The following PCDHA8 variants were observed in gnomAD, a reference collection of about 807,000 sequenced individuals.
PCDHA8 encodes protocadherin alpha-8.
In PCDHA8, 53 loss-of-function variants were observed where a neutral mutation model predicts 61.8. That is an observed-to-expected ratio of 0.86 (90% CI 0.69 to 1.08). The LOEUF is 1.08. Among genes scored for constraint, PCDHA8 ranks in the 50% least tolerant of loss-of-function variants. The pLI is 0.00. For synonymous variants in PCDHA8, 618 were observed against 556.6 expected (o/e 1.11, Z -1.55); for missense variants, 1,293 against 1,245.0 (o/e 1.04, Z -0.58).
chr5:140,964,556 G>A (rs2095839745), intron 1 of PCDHA8, among the ~76,000 whole-genome samples: 1 of 152,166 alleles, frequency 6.6e-6, no homozygotes. Context: ...GCGACTTGGA[G>A]GGCTGGGAGG....
intron 1 of PCDHA8, chr5:140,858,448 C>A (rs1554151646): frequency 3.3e-6 from 5 of 1,532,196 alleles, no homozygotes; most frequent in African/African-American, 1.4e-5. Context: ...TGGGTTATTA[C>A]GTTTTCATTT....
intron 1 of PCDHA8, chr5:140,928,707 C>T: frequency 6.2e-7 from 1 of 1,614,184 alleles, no homozygotes; most frequent in South Asian, 1.1e-5. Flanking sequence ...GGGCGTCTGA[C>T]TCTAGTCTCT....
intron 3 of PCDHA8, among the ~76,000 whole-genome samples, chr5:140,985,614 C>G (rs2097160648): frequency 6.6e-6 from 1 of 152,100 alleles, no homozygotes; most frequent in East Asian, 1.9e-4. Flanking sequence ...TTCCGTGAAC[C>G]AGCTGTGTAT....
In PCDHA8 at chr5:141,011,084, C is replaced by T. The variant is rs928216799; in HGVS notation, c.*1147C>T. 1.3e-5 allele frequency: 2 copies of T among 153,722 alleles called. No homozygotes were observed. The highest frequency in any genetic ancestry group is 6.5e-5 in the Admixed American group (1 of 15,272). The allele number at this position is 153,722 out of a possible 1,614,324, so 9.5% of individuals were successfully genotyped here. A position where few individuals can be genotyped will look rare whatever the true frequency, so the allele number is the denominator to read the frequency against. ...CATGTATTACTAAATAAAATGATCT[C>T]TCTTTCTCTCTCTCTCTCTCTTTTC... On this transcript the variant is annotated 3_prime_UTR_variant, in exon 4 of 4. Coordinates refer to ENST00000531613, the MANE Select transcript of PCDHA8 (RefSeq NM_018911.3).
intron 1 of PCDHA8, among the ~76,000 whole-genome samples, chr5:140,941,255 C>CTTTCTTTCTCTT (rs782490896): frequency 9.0e-5 from 4 of 44,506 alleles, no homozygotes; most frequent in Non-Finnish European, 1.5e-4. Flanking sequence ...TTCTTTCTTT[C>CTTTCTTTCTCTT]TCTTTCTTTC....
chr5:140,972,386 A>G (rs2096534472), intron 1 of PCDHA8, among the ~76,000 whole-genome samples: 1 of 148,802 alleles, frequency 6.7e-6, no homozygotes, highest in African/African-American at 2.5e-5. Flanking sequence ...GTATTTGTTT[A>G]TTTGCTTCAC....
intron 1 of PCDHA8, chr5:140,883,099 A>C: frequency 6.2e-7 from 1 of 1,614,150 alleles, no homozygotes. Flanking sequence ...ATGGAGATAT[A>C]GTTTACTCAT....
At chr5:140,947,769 A>G (rs2094173274) in intron 1 of PCDHA8, among the ~76,000 whole-genome samples, 1 of 151,626 alleles carries the variant, frequency 6.6e-6, no homozygotes, top group South Asian at 2.1e-4. Context: ...AAAAAATTCT[A>G]TTGTAAATGG....
In PCDHA8 at chr5:140,842,488, G is replaced by A; in HGVS notation, c.1167G>A (p.Leu389=). ...SGANGQVTCS[L]MPHVPFKLVS... ...CCAACGGGCAGGTGACCTGCTCCCTGATGCCCCATGTCCCCTTCAAGCTGG... is the reference window on the plus strand; with the variant it reads ...CCAACGGGCAGGTGACCTGCTCCCTAATGCCCCATGTCCCCTTCAAGCTGG... The change falls in exon 1 of 4, where the codon CTG becomes CTA. Residue 389 remains leucine (L), a synonymous_variant. Transcript: ENST00000531613. 1.9e-6 allele frequency: 3 copies of A among 1,613,912 alleles called. No homozygotes were observed. Among genetic ancestry groups the A allele is most frequent in the Non-Finnish European group, 1.7e-6 (2 of 1,179,850 alleles).
At position 140,927,553 on chromosome 5, in the gene PCDHA8, A is replaced by G. The variant is rs782577411; in HGVS notation, c.2395-51396A>G. 1.3e-5 allele frequency: 21 copies of G among 1,614,030 alleles called. No homozygotes were observed. The highest frequency in any genetic ancestry group is 9.3e-5 in the African/African-American group (7 of 74,932). ...CCGCTCAGGAGACGCACAAGTCACC[A>G]TCATTGTGGTGGACACAAATGACAA... On this transcript the variant is annotated intron_variant, in intron 1 of 3. Coordinates refer to ENST00000531613, the MANE Select transcript of PCDHA8 (RefSeq NM_018911.3).
chr5:140,860,441 A>T (rs1038700248), intron 1 of PCDHA8: 3 of 152,166 alleles, frequency 2.0e-5, no homozygotes, highest in African/African-American at 4.8e-5. Context: ...GATCTTTTTC[A>T]TATTAATTCA....
intron 1 of PCDHA8, among the ~76,000 whole-genome samples, chr5:140,964,058 A>C (rs147228403): frequency 1.4e-3 from 207 of 152,356 alleles, no homozygotes; most frequent in Admixed American, 4.3e-3. Flanking sequence ...TGGTGTGGTC[A>C]AGGCATTAGT....
At chr5:140,869,953 A>G (rs781865487) in intron 1 of PCDHA8, 10 of 1,612,868 alleles carry the variant, frequency 6.2e-6, no homozygotes, top group Middle Eastern at 3.3e-4. Context: ...CTTAATGTCA[A>G]TTAAGCCCAA....
chr5:140,926,128 CGCAGCAGGATCCAGCGCGGAAAGCTCT>C (rs1157627097), intron 1 of PCDHA8, among the ~76,000 whole-genome samples: 1 of 152,278 alleles, frequency 6.6e-6, no homozygotes, highest in East Asian at 1.9e-4. Flanking sequence ...GACTTCAACC[CGCAGCAGGATCCAGCGCGGAAAGCTCT>C]GCAGCAGGAT....
chr5:140,996,803 G>A (rs2097746425), intron 3 of PCDHA8, among the ~76,000 whole-genome samples: 1 of 152,224 alleles, frequency 6.6e-6, no homozygotes, highest in African/African-American at 2.4e-5. Flanking sequence ...ATCCAATCAT[G>A]CTTTCCAAAA....
At chr5:140,882,891 A>G (rs782750187) in intron 1 of PCDHA8, 3 of 1,614,230 alleles carry the variant, frequency 1.9e-6, no homozygotes, top group Admixed American at 1.7e-5. Context: ...ATTCAGGAAC[A>G]TAGTTTATTA....
chr5:140,989,949 G>A (rs551733184), intron 3 of PCDHA8, among the ~76,000 whole-genome samples: 3 of 152,064 alleles, frequency 2.0e-5, no homozygotes, highest in South Asian at 2.1e-4. Context: ...CGTTTTTCTC[G>A]GTGAGACCAA....
chr5:140,850,269 G>C lies in PCDHA8; in HGVS notation c.2394+6554G>C, dbSNP rs201513560. ...GTCGGTGGGCGCCGGCGTAGTGGTGGGGAAGGTGCGCGCAGTGGACGCCGA... is the reference window on the plus strand; with the variant it reads ...GTCGGTGGGCGCCGGCGTAGTGGTGCGGAAGGTGCGCGCAGTGGACGCCGA... On this transcript the variant is annotated intron_variant, in intron 1 of 3. Transcript: ENST00000531613. 7 of 1,594,786 alleles carry C rather than the reference G, an allele frequency of 4.4e-6. 1 individual carries two copies. The highest frequency in any genetic ancestry group is 1.3e-5 in the African/African-American group (1 of 74,148).
At chr5:140,895,968 G>A (rs190056652) in intron 1 of PCDHA8, among the ~76,000 whole-genome samples, 2 of 151,938 alleles carry the variant, frequency 1.3e-5, no homozygotes, top group African/African-American at 2.4e-5. Context: ...CTGTCACCAG[G>A]CCTAGCTAAT....
Sources: allele counts gnomAD v4.1 joint callset (sites outside exome capture counted in the v4.1 genomes callset), GRCh38; gene constraint gnomAD v4.1.1; transcripts MANE v1.5; gene names NCBI Gene and HGNC (gene_info 2026-07-23, HGNC 2026-07-21).